The following CDH18 variants were observed in gnomAD, a reference collection of about 807,000 sequenced individuals.
The protein encoded by CDH18 is cadherin-18.
In CDH18, 31 loss-of-function variants were observed where a neutral mutation model predicts 67.9. The ratio of observed to expected loss-of-function variants is 0.46; its 90% CI spans 0.34 to 0.62. The LOEUF (loss-of-function observed/expected upper bound fraction) is 0.62. Ranked by LOEUF, CDH18 falls within the 20% of genes least tolerant of loss-of-function variation. CDH18 has a pLI of 0.01. For synonymous variants in CDH18, 362 were observed against 347.2 expected, an observed-to-expected ratio of 1.04 and a Z score of -0.48; for missense variants, 890 against 975.5, an observed-to-expected ratio of 0.91 and a Z score of 1.17.
chr5:20,030,678 G>A (rs1739318312), intron 2 of CDH18, among the ~76,000 whole-genome samples: 1 of 152,152 alleles, frequency 6.6e-6, no homozygotes, highest in Non-Finnish European at 1.5e-5. Context: ...GACATACTCA[G>A]ATGTGAATGG....
rs115460604 is a variant in CDH18 at position 19,851,176 on chromosome 5, T to C, written c.-256-11934A>G. On this transcript the variant is annotated intron_variant, in intron 2 of 12. Transcript: ENST00000382275. ...CGGGGAATTTGCCATGTTGTTAATA[T>C]AACTGCTGCACTGTGGTCCTATAAA... Among the ~76,000 whole-genome samples the C allele has an allele frequency of 5.9e-3, 895 of 151,942 alleles. 13 individuals carry two copies. Among genetic ancestry groups the C allele is most frequent in the African/African-American group, 0.021 (853 of 41,538 alleles).
intron 1 of CDH18, among the ~76,000 whole-genome samples, chr5:20,557,667 A>G (rs542410418): frequency 6.6e-6 from 1 of 152,166 alleles, no homozygotes; most frequent in African/African-American, 2.4e-5. Context: ...AGTAATTAGG[A>G]TTTTGAAGGT....
At chr5:19,967,602 A>G (rs973314468) in intron 2 of CDH18, among the ~76,000 whole-genome samples, 6 of 152,170 alleles carry the variant, frequency 3.9e-5, no homozygotes, top group African/African-American at 1.4e-4. Flanking sequence ...TTGGTCTCAG[A>G]AAAATAGAAG....
At chr5:19,908,783 T>C (rs924030373) in intron 2 of CDH18, among the ~76,000 whole-genome samples, 3 of 152,188 alleles carry the variant, frequency 2.0e-5, no homozygotes, top group African/African-American at 7.2e-5. Context: ...ATTAATTATA[T>C]TTTATCAGGC....
chr5:20,474,166 C>G (rs1752278052), intron 1 of CDH18, among the ~76,000 whole-genome samples: 1 of 152,094 alleles, frequency 6.6e-6, no homozygotes, highest in South Asian at 2.1e-4. Context: ...GTCCCAGCTA[C>G]TCGGGAGGCT....
chr5:19,762,599 CA>C (rs1318062490), intron 3 of CDH18, among the ~76,000 whole-genome samples: 3 of 152,038 alleles, frequency 2.0e-5, no homozygotes, highest in African/African-American at 4.8e-5. Flanking sequence ...CAGGAAATAA[CA>C]GGTGTTGGAG....
chr5:19,482,082 A>G lies in CDH18; in HGVS notation c.1882+1219T>C, dbSNP rs190695537. 1.3e-3 allele frequency among the ~76,000 whole-genome samples: 192 copies of G among 152,240 alleles called. 2 individuals are homozygous for G. In the South Asian group the frequency reaches 0.015, roughly 12 times the overall value. The stretch of plus-strand genomic sequence containing the variant: ...GAAAGTGTGTTTTTTAATAAACTGT[A>G]ATGAAAATTTCAAATAAAAAATTTA... On this transcript the variant is annotated intron_variant, in intron 12 of 12. Transcript: ENST00000382275.
chr5:19,810,006 GT>G (rs1778472359), intron 3 of CDH18, among the ~76,000 whole-genome samples: 2 of 152,068 alleles, frequency 1.3e-5, no homozygotes, highest in South Asian at 4.1e-4. Context: ...TATTTATGTG[GT>G]TTGGAAGAAT....
At chr5:20,284,213 C>G (rs1237986671) in intron 1 of CDH18, among the ~76,000 whole-genome samples, 1 of 151,800 alleles carries the variant, frequency 6.6e-6, no homozygotes, top group African/African-American at 2.4e-5. Flanking sequence ...AGGGTGACTA[C>G]AGTTGTACAT....
chr5:20,401,767 A>T (rs1364725001), intron 1 of CDH18, among the ~76,000 whole-genome samples: 1 of 152,186 alleles, frequency 6.6e-6, no homozygotes, highest in Admixed American at 6.5e-5. Context: ...AATTATCATC[A>T]TTCATCAATT....
At chr5:20,039,463 T>C (rs1740206195) in intron 2 of CDH18, among the ~76,000 whole-genome samples, 1 of 152,142 alleles carries the variant, frequency 6.6e-6, no homozygotes, top group African/African-American at 2.4e-5. Flanking sequence ...AAGGCTACAG[T>C]AATCAAAACA....
chr5:19,868,404 T>C (rs1238264053), intron 2 of CDH18, among the ~76,000 whole-genome samples: 2 of 152,146 alleles, frequency 1.3e-5, no homozygotes, highest in Non-Finnish European at 2.9e-5. Flanking sequence ...ACAAGAGATA[T>C]ACTATAAAAA....
Position 20,311,459 on chromosome 5 carries a change from G to A in CDH18, c.-579-55954C>T, listed in dbSNP as rs554274761. Among the ~76,000 whole-genome samples the A allele has an allele frequency of 2.6e-5, 4 of 152,086 alleles. No homozygotes were observed. The South Asian group carries it at 8.3e-4, about 32-fold the overall frequency. On this transcript the variant is annotated intron_variant, in intron 1 of 14. Coordinates refer to the CDH18 transcript ENST00000507958. ...GGCACATATACACATGGAATACTAT[G>A]CAGCCATAAAAAAGGATAAGTTCAT...
chr5:19,708,055 T>C (rs1007602443), intron 5 of CDH18, among the ~76,000 whole-genome samples: 14 of 152,190 alleles, frequency 9.2e-5, no homozygotes, highest in Admixed American at 2.0e-4. Flanking sequence ...TCAAATGATA[T>C]GGCCCACTCT....
chr5:19,555,246 C>T (rs975552086), intron 8 of CDH18, among the ~76,000 whole-genome samples: 4 of 152,190 alleles, frequency 2.6e-5, no homozygotes, highest in Non-Finnish European at 5.9e-5. Flanking sequence ...ACCACAGGAA[C>T]ATACCAGGAA....
At chr5:19,932,098 C>T (rs997754560) in intron 2 of CDH18, among the ~76,000 whole-genome samples, 2 of 151,510 alleles carry the variant, frequency 1.3e-5, no homozygotes, top group African/African-American at 4.8e-5. Context: ...TTGAATACAC[C>T]ACTTTCCAAA....
At chr5:20,500,109 TA>T (rs912432818) in intron 1 of CDH18, among the ~76,000 whole-genome samples, 10 of 152,134 alleles carry the variant, frequency 6.6e-5, no homozygotes, top group African/African-American at 2.4e-4. Flanking sequence ...TTAAAAATTG[TA>T]AAAAATAATT....
Position 20,406,624 on chromosome 5 carries a change from T to A in CDH18, c.-579-151119A>T, listed in dbSNP as rs979217742. ...ATGAAAAACAATAATAAATGGCTAT[T>A]AAAAAATAGAAACTATCAAGAATTG... is the stretch of plus-strand genomic sequence containing the variant. On this transcript the variant is annotated intron_variant, in intron 1 of 14. Transcript: ENST00000507958. Among the ~76,000 whole-genome samples, 3 of 151,908 alleles carry A rather than the reference T, an allele frequency of 2.0e-5. No individual in the cohort carries two copies. The South Asian group carries it at 6.2e-4, about 31-fold the overall frequency.
intron 11 of CDH18, among the ~76,000 whole-genome samples, chr5:19,498,888 C>T (rs1742777348): frequency 6.6e-6 from 1 of 152,140 alleles, no homozygotes; most frequent in Non-Finnish European, 1.5e-5. Context: ...TACGTATCTC[C>T]ATCTTTAGGA....
Sources: gnomAD v4.1 joint callset for allele counts (sites outside exome capture counted in the v4.1 genomes callset) on GRCh38, gnomAD v4.1.1 for gene constraint, MANE v1.5 for transcripts, NCBI Gene and HGNC (gene_info 2026-07-23, HGNC 2026-07-21) for gene names.